AUTS2: variants seen among roughly 807,000 people sequenced by gnomAD.
AUTS2 encodes the protein activator of transcription and developmental regulator AUTS2, also known as autism susceptibility gene 2 protein.
In AUTS2, 17 loss-of-function variants were observed where a neutral mutation model predicts 112.4. The ratio of observed to expected loss-of-function variants is 0.15; its 90% CI spans 0.10 to 0.23. The LOEUF (loss-of-function observed/expected upper bound fraction) is 0.23. AUTS2 is among the 10% of genes least tolerant of loss of function. The pLI is 1.00. For synonymous variants in AUTS2, 751 were observed against 702.7 expected (o/e 1.07, Z -1.09); for missense variants, 1,510 against 1,701.6 (o/e 0.89, Z 1.98).
intron 4 of AUTS2, among the ~76,000 whole-genome samples, chr7:70,149,737 G>GT (rs1562740473): frequency 6.6e-6 from 1 of 152,008 alleles, no homozygotes; most frequent in Non-Finnish European, 1.5e-5. Context: ...TAGAAATGGT[G>GT]TAACTATCCA....
chr7:70,455,447 A>G (rs527476741), intron 5 of AUTS2, among the ~76,000 whole-genome samples: 1 of 152,256 alleles, frequency 6.6e-6, no homozygotes, highest in Admixed American at 6.5e-5. Context: ...AGCAAGCCAA[A>G]TATGACCTGG....
rs948662759 is a variant in AUTS2 at position 70,298,322 on chromosome 7, G to A, written c.661-137430G>A. Reference sequence around the variant, plus strand: ...GCTGGGATTCCAGGTGTAAGCCACTGCACCTGGCCCAAAGTCTCTTTAAAA... The same window carrying A: ...GCTGGGATTCCAGGTGTAAGCCACTACACCTGGCCCAAAGTCTCTTTAAAA... On this transcript the variant is annotated intron_variant, in intron 4 of 18. Transcript: ENST00000342771. 4.6e-5 allele frequency among the ~76,000 whole-genome samples: 7 copies of A among 152,210 alleles called. No individual in the cohort carries two copies. In the East Asian group the frequency reaches 1.2e-3, roughly 25 times the overall value.
At chr7:70,110,645 T>C (rs1805025001) in intron 2 of AUTS2, among the ~76,000 whole-genome samples, 2 of 152,168 alleles carry the variant, frequency 1.3e-5, no homozygotes, top group South Asian at 4.1e-4. Context: ...TCGTTTTTAT[T>C]TTCTAAGCTA....
chr7:70,241,750 A>G (rs549920296), intron 4 of AUTS2, among the ~76,000 whole-genome samples: 1 of 152,214 alleles, frequency 6.6e-6, no homozygotes, highest in Non-Finnish European at 1.5e-5. Context: ...GGCCTTTGTA[A>G]TGTTAATTTG....
chr7:69,895,552 C>CT (rs1479977302), intron 1 of AUTS2, among the ~76,000 whole-genome samples: 3 of 147,082 alleles, frequency 2.0e-5, no homozygotes, highest in Non-Finnish European at 4.5e-5. Context: ...TTCCCCCCCC[C>CT]CGAGTGGAAA....
intron 5 of AUTS2, among the ~76,000 whole-genome samples, chr7:70,626,898 C>T (rs1311126315): frequency 6.6e-6 from 1 of 152,178 alleles, no homozygotes; most frequent in African/African-American, 2.4e-5. Context: ...ATTACACTGT[C>T]TTTATCCAGT....
chr7:69,649,809 G>A (rs1166029458), intron 1 of AUTS2, among the ~76,000 whole-genome samples: 1 of 152,084 alleles, frequency 6.6e-6, no homozygotes, highest in Non-Finnish European at 1.5e-5. Context: ...ACCCAGTCTC[G>A]GATTCTGGCA....
chr7:70,724,204 T>C (rs980641254), intron 6 of AUTS2, among the ~76,000 whole-genome samples: 2 of 152,138 alleles, frequency 1.3e-5, no homozygotes, highest in African/African-American at 4.8e-5. Flanking sequence ...GGACTTCTTT[T>C]ATAAATGAAG....
intron 6 of AUTS2, among the ~76,000 whole-genome samples, chr7:70,701,321 C>T (rs1459334391): frequency 5.3e-5 from 8 of 152,146 alleles, no homozygotes; most frequent in Non-Finnish European, 7.4e-5. Flanking sequence ...CAGCAGGGGC[C>T]GTGGCTCGAG....
chr7:70,410,492 C>T (rs956379116), intron 4 of AUTS2, among the ~76,000 whole-genome samples: 4 of 151,030 alleles, frequency 2.6e-5, no homozygotes, highest in Admixed American at 6.6e-5. Flanking sequence ...AGTGCAATCA[C>T]GGCTCACTGC....
chr7:69,656,789 T>A (rs1795561436), intron 1 of AUTS2, among the ~76,000 whole-genome samples: 1 of 152,180 alleles, frequency 6.6e-6, no homozygotes, highest in South Asian at 2.1e-4. Context: ...TGTGGGCATA[T>A]GTAGTTATTT....
At chr7:70,345,606 A>G (rs962596484) in intron 4 of AUTS2, among the ~76,000 whole-genome samples, 7 of 152,164 alleles carry the variant, frequency 4.6e-5, no homozygotes, top group Non-Finnish European at 8.8e-5. Context: ...ACTTGTCACT[A>G]TGAAAAGTAG....
chr7:70,342,723 C>T (rs749549676), intron 4 of AUTS2, among the ~76,000 whole-genome samples: 1 of 152,180 alleles, frequency 6.6e-6, no homozygotes, highest in African/African-American at 2.4e-5. Context: ...CTGTACCCCA[C>T]CTTACACATA....
chr7:70,644,791 A>G (rs767906872), intron 5 of AUTS2, among the ~76,000 whole-genome samples: 2 of 152,178 alleles, frequency 1.3e-5, no homozygotes, highest in Admixed American at 6.5e-5. Flanking sequence ...GAAGTGCTGC[A>G]TAACCCTTGT....
intron 4 of AUTS2, among the ~76,000 whole-genome samples, chr7:70,209,878 T>C (rs1038716573): frequency 2.6e-5 from 4 of 152,186 alleles, no homozygotes; most frequent in African/African-American, 9.7e-5. Flanking sequence ...AAACTAATGT[T>C]TAGCTTCTTT....
At chr7:70,041,177 A>G (rs1801230280) in intron 2 of AUTS2, among the ~76,000 whole-genome samples, 1 of 152,368 alleles carries the variant, frequency 6.6e-6, no homozygotes, top group South Asian at 2.1e-4. Context: ...TCTACAGGCT[A>G]CTGAAGAGGA....
intron 4 of AUTS2, among the ~76,000 whole-genome samples, chr7:70,378,706 C>T (rs1793231110): frequency 6.6e-6 from 1 of 152,210 alleles, no homozygotes; most frequent in Non-Finnish European, 1.5e-5. Flanking sequence ...ATTATATTCC[C>T]AGCATGGTTA....
intron 4 of AUTS2, among the ~76,000 whole-genome samples, chr7:70,403,119 G>T (rs1451205696): frequency 6.6e-6 from 1 of 152,168 alleles, no homozygotes; most frequent in Admixed American, 6.5e-5. Context: ...AGGTACCCTA[G>T]CCCCCTTTTT....
At chr7:70,168,396 A>C (rs1338803210) in intron 4 of AUTS2, among the ~76,000 whole-genome samples, 1 of 152,220 alleles carries the variant, frequency 6.6e-6, no homozygotes, top group African/African-American at 2.4e-5. Flanking sequence ...GGCTCACTGC[A>C]ATCTCTGCCT....
Sources: allele counts gnomAD v4.1 joint callset (sites outside exome capture counted in the v4.1 genomes callset), GRCh38; gene constraint gnomAD v4.1.1; transcripts MANE v1.5; gene names NCBI Gene and HGNC (gene_info 2026-07-23, HGNC 2026-07-21).